ALK: variants seen among roughly 807,000 people sequenced by gnomAD.
ALK encodes the protein ALK receptor tyrosine kinase.
ALK carries 74 observed loss-of-function variants against 163.1 expected under a neutral mutation model. The observed-to-expected ratio is 0.45, with a 90% CI of 0.38 to 0.55. The LOEUF (loss-of-function observed/expected upper bound fraction) is 0.55. Among genes scored for constraint, ALK ranks in the 20% least tolerant of loss-of-function variants. ALK has a pLI of 0.00. For missense variants in ALK, 2,063 were observed against 2,105.3 expected (o/e 0.98, Z 0.39); for synonymous variants, 960 against 843.2 (o/e 1.14, Z -2.40).
intron 4 of ALK, among the ~76,000 whole-genome samples, chr2:29,415,889 AG>A (rs1669864306): frequency 1.3e-5 from 2 of 152,282 alleles, no homozygotes; most frequent in African/African-American, 4.8e-5. Flanking sequence ...TTTGGTTTTC[AG>A]GCCTTTTGGG....
chr2:29,716,414 A>G (rs1424988628), intron 2 of ALK, among the ~76,000 whole-genome samples: 5 of 152,230 alleles, frequency 3.3e-5, no homozygotes, highest in Non-Finnish European at 7.3e-5. Context: ...ACCCTAGAGG[A>G]GTTCAAGAGA....
At chr2:29,847,168 ACGATACCTCG>A (rs1665866633) in intron 1 of ALK, among the ~76,000 whole-genome samples, 1 of 152,166 alleles carries the variant, frequency 6.6e-6, no homozygotes. Flanking sequence ...CCTTCCCTCC[ACGATACCTCG>A]GTATTCTCAT....
rs1426033956 is a variant in ALK, at chr2:29,223,388, T to C, written c.3313A>G (p.Ile1105Val). ...CGCGGCACCTCCTTCAGGTCACTGATGGAGGAGGTCTTGCCAGCAAAGCAG... is the reference window on the plus strand; with the variant it reads ...CGCGGCACCTCCTTCAGGTCACTGACGGAGGAGGTCTTGCCAGCAAAGCAG... ...NYCFAGKTSSISDLKEVPRKN... is the reference protein window; with the variant it reads ...NYCFAGKTSSVSDLKEVPRKN... The change falls in exon 20 of 29, where the codon ATC becomes GTC. Residue 1105 changes from isoleucine to valine, a missense_variant. By Grantham distance (29) the Ile-to-Val change is conservative. Coordinates refer to ENST00000389048, the MANE Select transcript of ALK (RefSeq NM_004304.5). 5.0e-6 allele frequency: 8 copies of C among 1,614,020 alleles called. No homozygotes were observed. Among genetic ancestry groups the C allele is most frequent in the Non-Finnish European group, 6.8e-6 (8 of 1,180,030 alleles).
At chr2:29,508,342 T>C (rs1346356815) in intron 4 of ALK, among the ~76,000 whole-genome samples, 1 of 152,152 alleles carries the variant, frequency 6.6e-6, no homozygotes, top group Non-Finnish European at 1.5e-5. Flanking sequence ...GTGGCACATA[T>C]ACACCATGGA....
chr2:29,440,526 AG>A (rs1432413438), intron 4 of ALK, among the ~76,000 whole-genome samples: 1 of 152,132 alleles, frequency 6.6e-6, no homozygotes, highest in Non-Finnish European at 1.5e-5. Context: ...CATGTTGGCC[AG>A]GCTGGTCTCA....
chr2:29,760,137 G>A (rs1301605295), intron 1 of ALK, among the ~76,000 whole-genome samples: 5 of 152,148 alleles, frequency 3.3e-5, no homozygotes, highest in East Asian at 3.9e-4. Flanking sequence ...AAGATGCTTG[G>A]CAACATTTTT....
At chr2:29,350,548 C>G (rs928511970) in intron 5 of ALK, among the ~76,000 whole-genome samples, 1 of 152,162 alleles carries the variant, frequency 6.6e-6, no homozygotes, top group Non-Finnish European at 1.5e-5. Flanking sequence ...TCTGTTGGCT[C>G]TCAGGGGCCT....
Position 29,694,979 on chromosome 2 carries a change from C to G in ALK, c.823G>C (p.Glu275Gln), listed in dbSNP as rs2148289974. ...AGGTCATGCAGTGGAGGGGAATACT[C>G]CAGCTCACAGGGGAAGTCAAAGCTG... ...ECSFDFPCEL[E>Q]YSPPLHDLRN... Residue 275 changes from glutamate to glutamine, a missense_variant, in exon 3 of 29, where the codon GAG (glutamate) becomes CAG (glutamine). Around this residue, in one of 5 missense-constraint regions of ALK, gnomAD observed 987 missense variants for 939.5 expected, o/e 1.05. Transcript: ENST00000389048. The G allele has an allele frequency of 6.2e-7, 1 of 1,614,068 alleles. No individual in the cohort carries two copies. Among genetic ancestry groups the G allele is most frequent in the Non-Finnish European group, 8.5e-7 (1 of 1,179,976 alleles).
chr2:29,656,688 G>A (rs1677194453), intron 3 of ALK, among the ~76,000 whole-genome samples: 1 of 152,152 alleles, frequency 6.6e-6, no homozygotes, highest in South Asian at 2.1e-4. Context: ...AACAGCAAGT[G>A]AGTGGTAAAG....
At chr2:29,427,529 T>C (rs1295498829) in intron 4 of ALK, among the ~76,000 whole-genome samples, 1 of 151,728 alleles carries the variant, frequency 6.6e-6, no homozygotes, top group African/African-American at 2.4e-5. Context: ...CTAGAGAAAC[T>C]ACTAAGAAAA....
At chr2:29,726,034 C>T (rs73921498) in intron 1 of ALK, among the ~76,000 whole-genome samples, 4,714 of 152,226 alleles carry the variant, frequency 0.031, 255 homozygotes, top group African/African-American at 0.11. Context: ...ACTGGCCCTA[C>T]CTAACTGGCC....
intron 3 of ALK, among the ~76,000 whole-genome samples, chr2:29,540,346 A>G (rs1673379603): frequency 6.6e-6 from 1 of 152,156 alleles, no homozygotes; most frequent in African/African-American, 2.4e-5. Context: ...TAAGTGGCAC[A>G]TCCTTGGCTT....
chr2:29,709,464 A>C lies in ALK; in HGVS notation c.787+8114T>G, dbSNP rs201900181. 2.6e-5 allele frequency among the ~76,000 whole-genome samples: 4 copies of C among 152,192 alleles called. No individual in the cohort carries two copies. The East Asian group carries it at 7.7e-4, about 29-fold the overall frequency. Reference sequence around the variant, plus strand: ...CATTGCCATTACTTCTATTGAGTACACAATGAGTACACAACATGAGAGAAG... The same window carrying C: ...CATTGCCATTACTTCTATTGAGTACCCAATGAGTACACAACATGAGAGAAG... On this transcript the variant is annotated intron_variant, in intron 2 of 28. Coordinates refer to ENST00000389048, the MANE Select transcript of ALK (RefSeq NM_004304.5).
intron 3 of ALK, among the ~76,000 whole-genome samples, chr2:29,657,850 A>G (rs1458637141): frequency 6.6e-6 from 1 of 151,636 alleles, no homozygotes; most frequent in Non-Finnish European, 1.5e-5. Flanking sequence ...TTAATGAAAA[A>G]CTCTTTGGCA....
At chr2:29,586,027 C>T (rs931971907) in intron 3 of ALK, among the ~76,000 whole-genome samples, 1 of 152,130 alleles carries the variant, frequency 6.6e-6, no homozygotes, top group Non-Finnish European at 1.5e-5. Flanking sequence ...GCATAAAAAG[C>T]ATGCCTATTT....
chr2:29,305,915 G>A (rs539096122), intron 8 of ALK, among the ~76,000 whole-genome samples: 13 of 152,174 alleles, frequency 8.5e-5, no homozygotes, highest in African/African-American at 2.6e-4. Flanking sequence ...AATAGGGCTC[G>A]CACTTCTATG....
chr2:29,505,885 A>G lies in ALK; in HGVS notation c.1154+26030T>C, dbSNP rs192055714. Among the ~76,000 whole-genome samples the G allele has an allele frequency of 2.4e-3, 367 of 152,276 alleles. 2 individuals carry two copies. The highest frequency in any genetic ancestry group is 3.5e-3 in the Non-Finnish European group (238 of 68,006). On this transcript the variant is annotated intron_variant, in intron 4 of 28. Coordinates refer to ENST00000389048, the MANE Select transcript of ALK (RefSeq NM_004304.5). ...CATGGGGTGAATGAATATAGAAGAA[A>G]ACTCAGGCCTGACATAATGTAAGTG...
intron 2 of ALK, among the ~76,000 whole-genome samples, chr2:29,698,303 T>C (rs535793401): frequency 1.3e-5 from 2 of 152,182 alleles, no homozygotes; most frequent in East Asian, 3.9e-4. Context: ...AACACCAAAG[T>C]GACATAGGAA....
chr2:29,695,059 C>T (rs780558605), intron 2 of ALK, 45 bp from the exon 3 acceptor site: 97 of 1,612,560 alleles, frequency 6.0e-5, no homozygotes, highest in South Asian at 4.7e-4. Context: ...ATTTCCCAAA[C>T]GTGACTTTTC....
Sources: gnomAD v4.1 joint callset for allele counts (sites outside exome capture counted in the v4.1 genomes callset) on GRCh38, gnomAD v4.1.1 for gene constraint, gnomAD v4.1.1 regional missense constraint, MANE v1.5 for transcripts, NCBI Gene and HGNC (gene_info 2026-07-23, HGNC 2026-07-21) for gene names.